RBM47: variants seen among roughly 807,000 people sequenced by gnomAD.
The protein encoded by RBM47 is RNA binding motif protein 47.
RBM47 carries 21 observed loss-of-function variants against 47.1 expected under a neutral mutation model. That is an observed-to-expected ratio of 0.45 (90% confidence interval 0.32 to 0.64). The LOEUF (loss-of-function observed/expected upper bound fraction) is 0.64. Ranked by LOEUF, RBM47 falls within the 30% of genes least tolerant of loss-of-function variation. The pLI is 0.05. For missense variants in RBM47, 708 were observed against 870.9 expected (o/e 0.81, Z 2.35); for synonymous variants, 375 against 361.7 (o/e 1.04, Z -0.42).
At position 40,429,185 on chromosome 4, in the gene RBM47, T is replaced by A. The variant is rs181313082; in HGVS notation, c.1543-3042A>T. Among the ~76,000 whole-genome samples, 27 of 152,242 alleles carry A rather than the reference T, an allele frequency of 1.8e-4. No individual in the cohort carries two copies. In the East Asian group the frequency reaches 4.8e-3, roughly 27 times the overall value. On this transcript the variant is annotated intron_variant, in intron 6 of 6. Coordinates refer to ENST00000295971, the MANE Select transcript of RBM47 (RefSeq NM_001098634.2). ...ATCAGATTGACCGTCAAGGAACCCT[T>A]ATTTTACTTAATATCAGCCCCAAAG...
chr4:40,534,867 G>A (rs1451749294), intron 2 of RBM47, among the ~76,000 whole-genome samples: 4 of 151,504 alleles, frequency 2.6e-5, no homozygotes, highest in Admixed American at 1.3e-4. Flanking sequence ...CCCGGGAGGC[G>A]GAGCTTGCAG....
At chr4:40,553,324 G>T (rs988446668) in intron 1 of RBM47, among the ~76,000 whole-genome samples, 2 of 149,868 alleles carry the variant, frequency 1.3e-5, no homozygotes, top group African/African-American at 4.9e-5. Flanking sequence ...TTGAGACAGA[G>T]TCTCACTCTG....
chr4:40,506,043 C>T (rs951762290), intron 2 of RBM47, among the ~76,000 whole-genome samples: 2 of 152,138 alleles, frequency 1.3e-5, no homozygotes, highest in South Asian at 2.1e-4. Context: ...TTTCTCTGAC[C>T]TATCTACTAT....
At chr4:40,591,537 A>G (rs766767863) in intron 1 of RBM47, among the ~76,000 whole-genome samples, 1 of 152,008 alleles carries the variant, frequency 6.6e-6, no homozygotes, top group Non-Finnish European at 1.5e-5. Context: ...TCAACTAAAA[A>G]TACAAAATTA....
At position 40,548,479 on chromosome 4, in the gene RBM47, A is replaced by G. The variant is rs376147550; in HGVS notation, c.-239-3973T>C. 7.2e-5 allele frequency among the ~76,000 whole-genome samples: 11 copies of G among 152,312 alleles called. No homozygotes were observed. In the East Asian group the frequency reaches 1.2e-3, roughly 16 times the overall value. ...ATGTTAGAAGGATCACTCTGACCACAATGCAGAGGAGGGCTAAAGGCAGGG... is the reference window on the plus strand; with the variant it reads ...ATGTTAGAAGGATCACTCTGACCACGATGCAGAGGAGGGCTAAAGGCAGGG... On this transcript the variant is annotated intron_variant, in intron 1 of 6. Transcript: ENST00000295971.
At chr4:40,567,378 T>A (rs900267559) in intron 1 of RBM47, among the ~76,000 whole-genome samples, 3 of 152,092 alleles carry the variant, frequency 2.0e-5, no homozygotes, top group African/African-American at 7.2e-5. Flanking sequence ...AGTTCTCTCA[T>A]TTAATGTTCA....
At chr4:40,618,399 G>A (rs1396905529) in intron 1 of RBM47, among the ~76,000 whole-genome samples, 1 of 152,106 alleles carries the variant, frequency 6.6e-6, no homozygotes, top group Non-Finnish European at 1.5e-5. Context: ...CTGCAGTCTG[G>A]TGACAGAGTG....
At chr4:40,463,336 C>A (rs1244444679) in intron 3 of RBM47, among the ~76,000 whole-genome samples, 3 of 152,188 alleles carry the variant, frequency 2.0e-5, no homozygotes, top group Non-Finnish European at 4.4e-5. Flanking sequence ...CCGCTTCACA[C>A]TCACTGTGAT....
intron 1 of RBM47, among the ~76,000 whole-genome samples, chr4:40,573,698 C>T (rs1373820806): frequency 6.7e-6 from 1 of 149,854 alleles, no homozygotes; most frequent in Non-Finnish European, 1.5e-5. Context: ...CCACTAAACT[C>T]CAGCCTGGGG....
chr4:40,532,772 C>G (rs772623839), intron 2 of RBM47, among the ~76,000 whole-genome samples: 1 of 151,570 alleles, frequency 6.6e-6, no homozygotes, highest in South Asian at 2.1e-4. Flanking sequence ...CTTCAACTAA[C>G]GTACAGATAT....
intron 3 of RBM47, among the ~76,000 whole-genome samples, chr4:40,460,985 G>C (rs1717058500): frequency 6.6e-6 from 1 of 151,000 alleles, no homozygotes; most frequent in Non-Finnish European, 1.5e-5. Context: ...GGCAGTTAGA[G>C]ACAATTGGAA....
chr4:40,598,596 G>A (rs985241406), intron 1 of RBM47, among the ~76,000 whole-genome samples: 6 of 151,430 alleles, frequency 4.0e-5, no homozygotes, highest in African/African-American at 1.5e-4. Flanking sequence ...AAAAAAAGAA[G>A]AGACAAATAA....
chr4:40,545,795 C>T (rs186677513), intron 1 of RBM47, among the ~76,000 whole-genome samples: 26 of 152,148 alleles, frequency 1.7e-4, no homozygotes, highest in African/African-American at 6.3e-4. Context: ...CTCGAAACTC[C>T]ACTCTACTGC....
chr4:40,525,120 C>T (rs529449690), intron 2 of RBM47, among the ~76,000 whole-genome samples: 10 of 152,160 alleles, frequency 6.6e-5, no homozygotes, highest in African/African-American at 9.6e-5. Context: ...CCCTAGTTAC[C>T]GCTTGCTATA....
At chr4:40,586,502 A>G (rs1207819751) in intron 1 of RBM47, among the ~76,000 whole-genome samples, 1 of 151,240 alleles carries the variant, frequency 6.6e-6, no homozygotes, top group East Asian at 1.9e-4. Flanking sequence ...GTTGCAGGGA[A>G]ATGGGAGGGA....
At chr4:40,436,703 A>C (rs1712483306) in intron 4 of RBM47, 56 bp from the exon 5 acceptor site, 6 of 1,562,454 alleles carry the variant, frequency 3.8e-6, no homozygotes, top group Non-Finnish European at 5.3e-6. Context: ...TGCTGGAGGC[A>C]GACCTCAGCC....
At chr4:40,494,765 A>G (rs1308196455) in intron 2 of RBM47, among the ~76,000 whole-genome samples, 1 of 152,110 alleles carries the variant, frequency 6.6e-6, no homozygotes, top group East Asian at 1.9e-4. Flanking sequence ...CTTTGGGGGA[A>G]TTTCTCATCC....
At chr4:40,450,046 C>T (rs1715173756) in intron 3 of RBM47, among the ~76,000 whole-genome samples, 1 of 152,130 alleles carries the variant, frequency 6.6e-6, no homozygotes, top group South Asian at 2.1e-4. Flanking sequence ...AATGCTGAAA[C>T]CAACAAAAAT....
chr4:40,454,585 C>T (rs1715946378), intron 3 of RBM47, among the ~76,000 whole-genome samples: 1 of 152,318 alleles, frequency 6.6e-6, no homozygotes, highest in African/African-American at 2.4e-5. Flanking sequence ...GCAATCTCCG[C>T]CTCCTGGGTT....
Sources: allele counts gnomAD v4.1 joint callset (sites outside exome capture counted in the v4.1 genomes callset), GRCh38; gene constraint gnomAD v4.1.1; transcripts MANE v1.5; gene names NCBI Gene and HGNC (gene_info 2026-07-23, HGNC 2026-07-21).